The following RUNX1T1 variants were observed in gnomAD, a reference collection of about 807,000 sequenced individuals.
RUNX1T1 encodes RUNX1 partner transcriptional co-repressor 1.
RUNX1T1 carries 4 observed loss-of-function variants against 62.8 expected under a neutral mutation model. The observed-to-expected ratio is 0.06, with a 90% CI of 0.03 to 0.15. The LOEUF (loss-of-function observed/expected upper bound fraction) is 0.15. Ranked by LOEUF, RUNX1T1 falls within the 10% of genes least tolerant of loss-of-function variation. The pLI, the probability that RUNX1T1 is intolerant of heterozygous loss-of-function variation, is 1.00. For missense variants in RUNX1T1, 508 were observed against 754.3 expected, an observed-to-expected ratio of 0.67 and a Z score of 3.82; for synonymous variants, 291 against 286.0, an observed-to-expected ratio of 1.02 and a Z score of -0.18.
intron 1 of RUNX1T1, among the ~76,000 whole-genome samples, chr8:92,087,812 T>C (rs1836369185): frequency 6.6e-6 from 1 of 152,246 alleles, no homozygotes; most frequent in Admixed American, 6.5e-5. Flanking sequence ...TCTTTATAAG[T>C]AGTCAAATCA....
intron 1 of RUNX1T1, among the ~76,000 whole-genome samples, chr8:92,049,827 T>C (rs1379813270): frequency 5.3e-5 from 8 of 152,196 alleles, no homozygotes; most frequent in African/African-American, 1.9e-4. Context: ...CATTACCTCA[T>C]AGACTATGAA....
intron 10 of RUNX1T1, among the ~76,000 whole-genome samples, chr8:91,966,720 T>C (rs1423749392): frequency 6.6e-6 from 1 of 152,212 alleles, no homozygotes; most frequent in African/African-American, 2.4e-5. Context: ...GTTGGCATTA[T>C]ATTCTGGGTT....
chr8:91,989,995 C>T (rs188719986), intron 6 of RUNX1T1, among the ~76,000 whole-genome samples: 1 of 152,282 alleles, frequency 6.6e-6, no homozygotes, highest in Admixed American at 6.5e-5. Context: ...TACTGTCTTA[C>T]AACCAAAGCC....
chr8:92,017,582 T>G, intron 1 of RUNX1T1: 1 of 1,417,260 alleles, frequency 7.1e-7, no homozygotes, highest in South Asian at 1.5e-5. Flanking sequence ...AACTAGGTTA[T>G]ATTATATCCT....
At chr8:92,078,628 T>G (rs924851850) in intron 1 of RUNX1T1, among the ~76,000 whole-genome samples, 7 of 152,168 alleles carry the variant, frequency 4.6e-5, no homozygotes, top group African/African-American at 1.7e-4. Flanking sequence ...AATATTACTT[T>G]TTCTCAATGG....
chr8:92,081,221 G>A, intron 1 of RUNX1T1: 1 of 873,630 alleles, frequency 1.1e-6, no homozygotes, highest in Non-Finnish European at 1.4e-6. Context: ...GATAATACTT[G>A]TAAAGCGCCT....
intron 1 of RUNX1T1, among the ~76,000 whole-genome samples, chr8:92,032,423 G>A (rs978077081): frequency 5.3e-5 from 8 of 152,112 alleles, no homozygotes; most frequent in Admixed American, 1.3e-4. Flanking sequence ...ATATGTAAGT[G>A]CATATTTATT....
chr8:91,975,176 T>G (rs922463955), intron 9 of RUNX1T1, among the ~76,000 whole-genome samples: 17 of 152,354 alleles, frequency 1.1e-4, no homozygotes, highest in African/African-American at 3.6e-4. Flanking sequence ...TAAAGGTTTT[T>G]GCTTGCTAGG....
intron 10 of RUNX1T1, among the ~76,000 whole-genome samples, chr8:91,969,027 A>C (rs1812220193): frequency 6.6e-6 from 1 of 152,160 alleles, no homozygotes. Flanking sequence ...AGTGTCACTG[A>C]AGACACTGGT....
chr8:92,057,565 C>A (rs868655118), intron 1 of RUNX1T1, among the ~76,000 whole-genome samples: 1 of 152,090 alleles, frequency 6.6e-6, no homozygotes, highest in Non-Finnish European at 1.5e-5. Context: ...AGATTTATTC[C>A]GTTCAGAGAC....
At chr8:91,997,310 A>G (rs762957322) in intron 5 of RUNX1T1, among the ~76,000 whole-genome samples, 29 of 152,104 alleles carry the variant, frequency 1.9e-4, no homozygotes, top group Non-Finnish European at 3.4e-4. Context: ...GAACAAGAGG[A>G]CAAATCTACA....
intron 1 of RUNX1T1, among the ~76,000 whole-genome samples, chr8:92,096,584 G>A (rs531097919): frequency 2.0e-5 from 3 of 152,170 alleles, no homozygotes; most frequent in Non-Finnish European, 2.9e-5. Context: ...TTGGGGGAGG[G>A]GAAGTATTTG....
downstream of RUNX1T1, chr8:91,955,555 G>A (rs753706481): frequency 2.2e-5 from 5 of 226,000 alleles, no homozygotes; most frequent in Admixed American, 5.7e-5. Flanking sequence ...AGGAAGACAA[G>A]TTAGAGAAGC....
chr8:92,015,579 G>A (rs1822830074), intron 2 of RUNX1T1, among the ~76,000 whole-genome samples: 1 of 152,054 alleles, frequency 6.6e-6, no homozygotes, highest in Admixed American at 6.6e-5. Context: ...CCATTAATAT[G>A]TACATTAATA....
exon 2 of RUNX1T1, chr8:92,017,248 G>C (rs148779252): frequency 9.7e-5 from 157 of 1,613,170 alleles, no homozygotes; most frequent in Non-Finnish European, 1.3e-4. Flanking sequence ...TAAATGAACT[G>C]GTTCTTGGAG....
intron 1 of RUNX1T1, among the ~76,000 whole-genome samples, chr8:92,096,905 T>C (rs1371392189): frequency 6.6e-6 from 1 of 152,138 alleles, no homozygotes; most frequent in Non-Finnish European, 1.5e-5. Flanking sequence ...CATTGTTTAA[T>C]CAGGCACTCC....
At chr8:91,991,666 C>T (rs1425990013) in exon 6 of RUNX1T1, 1 of 1,614,002 alleles carries the variant, frequency 6.2e-7, no homozygotes. Flanking sequence ...TCCCTGAGGT[C>T]CCTGTGGCTG....
At chr8:91,959,412 T>TGTGTGTGTG (rs1554588350) in exon 11 of RUNX1T1, 7 of 139,486 alleles carry the variant, frequency 5.0e-5, no homozygotes, top group East Asian at 8.6e-5. Context: ...AGTCTCTTAC[T>TGTGTGTGTG]TGTGTGTGTG....
intron 1 of RUNX1T1, among the ~76,000 whole-genome samples, chr8:92,021,165 A>G (rs1215744000): frequency 6.6e-6 from 1 of 152,228 alleles, no homozygotes. Context: ...GTGTTGGCTA[A>G]GCTAGAAGGT....
Sources: gnomAD v4.1 joint callset for allele counts (sites outside exome capture counted in the v4.1 genomes callset) on GRCh38, gnomAD v4.1.1 for gene constraint, MANE v1.5 for transcripts, NCBI Gene and HGNC (gene_info 2026-07-23, HGNC 2026-07-21) for gene names.